Variants in ZNF618 observed in about 807,000 individuals in gnomAD.
The protein encoded by ZNF618 is zinc finger protein 618, also known as neural precursor cell expressed, developmentally down-regulated 10.
In ZNF618, 34 loss-of-function variants were observed where a neutral mutation model predicts 103.0. The ratio of observed to expected loss-of-function variants is 0.33; its 90% CI spans 0.25 to 0.44. The LOEUF is 0.44. Ranked by LOEUF, ZNF618 falls within the 20% of genes least tolerant of loss-of-function variation. The probability of loss-of-function intolerance (pLI) is 1.00; values close to 1 mark genes in which losing one functional copy is unlikely to be tolerated. For missense variants in ZNF618, 1,059 were observed against 1,295.4 expected (o/e 0.82, Z 2.80); for synonymous variants, 551 against 542.2 (o/e 1.02, Z -0.23).
intron 1 of ZNF618, among the ~76,000 whole-genome samples, chr9:113,908,313 T>C (rs1282317503): frequency 6.6e-6 from 1 of 152,166 alleles, no homozygotes; most frequent in Non-Finnish European, 1.5e-5. Flanking sequence ...ACACAGGTGC[T>C]CAGGATGTTA....
intron 2 of ZNF618, among the ~76,000 whole-genome samples, chr9:113,974,526 G>A (rs922813576): frequency 1.3e-5 from 2 of 152,220 alleles, no homozygotes; most frequent in African/African-American, 4.8e-5. Flanking sequence ...GTGATGATAG[G>A]TGTTGCCAAG....
At chr9:113,976,822 G>A (rs935873914) in intron 2 of ZNF618, among the ~76,000 whole-genome samples, 2 of 152,164 alleles carry the variant, frequency 1.3e-5, no homozygotes, top group Non-Finnish European at 2.9e-5. Flanking sequence ...TTTAGTAGGG[G>A]TAGGAGAAAA....
intron 1 of ZNF618, among the ~76,000 whole-genome samples, chr9:113,886,971 CTTTT>C (rs57000343): frequency 1.0e-3 from 114 of 109,484 alleles, no homozygotes; most frequent in East Asian, 5.2e-3. Flanking sequence ...TTACTTTCTA[CTTTT>C]TTTTTTTTTT....
chr9:113,979,846 G>A (rs1838818769), intron 2 of ZNF618, among the ~76,000 whole-genome samples: 1 of 152,236 alleles, frequency 6.6e-6, no homozygotes, highest in Non-Finnish European at 1.5e-5. Context: ...CACCGAGTGG[G>A]TAAATACTGG....
rs1846107365 is a variant in ZNF618, at chr9:114,051,118, G to A, written c.*951G>A. On this transcript the variant is annotated 3_prime_UTR_variant, in exon 15 of 15. Coordinates refer to ENST00000374126, the MANE Select transcript of ZNF618 (RefSeq NM_001318042.2). ...GGGTTCATTTTGTTTCTTCAGATTT[G>A]ATTTAGACTCTGCTAGGAGGCACTG... 1 of 152,538 alleles carries A rather than the reference G, an allele frequency of 6.6e-6. No individual in the cohort carries two copies. Among genetic ancestry groups the A allele is most frequent in the African/African-American group, 2.4e-5 (1 of 41,428 alleles). 9.4% of individuals were successfully genotyped at this position (152,538 alleles called of 1,614,324 possible).
intron 9 of ZNF618, among the ~76,000 whole-genome samples, chr9:114,011,685 A>G (rs1379461105): frequency 6.6e-6 from 1 of 152,246 alleles, no homozygotes; most frequent in Non-Finnish European, 1.5e-5. Context: ...CTCTGTAGTC[A>G]GAGGAAGAAG....
At chr9:113,994,955 G>A (rs1840424980) in intron 3 of ZNF618, among the ~76,000 whole-genome samples, 2 of 150,476 alleles carry the variant, frequency 1.3e-5, no homozygotes, top group Admixed American at 6.6e-5. Context: ...TGGCATTTTG[G>A]AAATAAAACT....
Position 114,036,386 on chromosome 9 carries a change from G to C in ZNF618, c.1246+9G>C. 1 of 1,568,390 alleles carries C rather than the reference G, an allele frequency of 6.4e-7. No homozygotes were observed. The highest frequency in any genetic ancestry group is 8.7e-7 in the Non-Finnish European group (1 of 1,156,042). On this transcript the variant is annotated intron_variant, in intron 13 of 14. Coordinates refer to ENST00000374126, the MANE Select transcript of ZNF618 (RefSeq NM_001318042.2). ...CATGCAGTCCCATGCAGGTAAGTAG[G>C]ATACGGCTTCTCTCCCCCTCTCCTT...
At chr9:113,884,293 C>T (rs1828841905) in intron 1 of ZNF618, among the ~76,000 whole-genome samples, 1 of 152,202 alleles carries the variant, frequency 6.6e-6, no homozygotes, top group African/African-American at 2.4e-5. Flanking sequence ...GCTCCCCTCT[C>T]TGCTCCACCA....
At position 114,049,850 on chromosome 9, in the gene ZNF618, G is replaced by A. The variant is rs1329600761; in HGVS notation, c.2548G>A (p.Ala850Thr). 1.2e-5 allele frequency: 20 copies of A among 1,613,842 alleles called. No homozygotes were observed. Among genetic ancestry groups the A allele is most frequent in the Non-Finnish European group, 1.6e-5 (19 of 1,179,916 alleles). Residue 850 changes from alanine to threonine, a missense_variant, in exon 15 of 15, where the codon GCC becomes ACC. Ala to Thr is a moderately conservative substitution (Grantham distance 58). Transcript: ENST00000374126. The stretch of plus-strand genomic sequence containing the variant: ...CGAGGAGGCCGACTTCGAGCCCGCT[G>A]CCAAGAAGCCCCGCTCTGCTGCCGT... Reference protein sequence around the residue: ...WAEEADFEPAAKKPRSAAVEN... With the variant: ...WAEEADFEPATKKPRSAAVEN...
At chr9:114,048,193 G>A (rs140187515) in intron 14 of ZNF618, among the ~76,000 whole-genome samples, 199 bp downstream of exon 14, 99 of 152,326 alleles carry the variant, frequency 6.5e-4, no homozygotes, top group African/African-American at 2.3e-3. Flanking sequence ...CCCAGGGAGA[G>A]GAGGTGACTT....
chr9:114,048,699 G>A lies in ZNF618; in HGVS notation c.1397G>A (p.Arg466Gln), dbSNP rs371074016. The A allele has an allele frequency of 1.2e-5, 19 of 1,613,806 alleles. No individual in the cohort carries two copies. The highest frequency in any genetic ancestry group is 6.7e-5 in the East Asian group (3 of 44,886). ...TPNSMIPEKE[R>Q]QNIAERLLRV... ...AACAGCATGATCCCCGAAAAGGAGC[G>A]GCAGAACATCGCAGAGCGGCTGTTG... The change falls in exon 15 of 15, where the codon CGG becomes CAG. Residue 466 changes from arginine (R) to glutamine (Q), a missense_variant. Around this residue, in one of 6 missense-constraint regions of ZNF618, gnomAD observed 434 missense variants for 476.0 expected, o/e 0.91. Coordinates refer to ENST00000374126, the MANE Select transcript of ZNF618 (RefSeq NM_001318042.2).
In ZNF618 at chr9:114,049,916, A is replaced by G; in HGVS notation, c.2614A>G (p.Asn872Asp). The change falls in exon 15 of 15, where the codon AAT (asparagine) becomes GAT (aspartate). Residue 872 changes from asparagine (N) to aspartate (D), a missense_variant. Asn to Asp is a conservative substitution (Grantham distance 23). This residue lies in a region of ZNF618 where 156 missense variants were observed against 197.1 expected (regional missense o/e 0.79). Coordinates refer to ENST00000374126, the MANE Select transcript of ZNF618 (RefSeq NM_001318042.2). ...AAQEDDRLGKNEVYDYLQEPL... is the reference protein window; with the variant it reads ...AAQEDDRLGKDEVYDYLQEPL... ...TCAGGAAGATGATCGGCTAGGCAAAAATGAAGTGTACGATTACCTGCAGGA... is the reference window on the plus strand; with the variant it reads ...TCAGGAAGATGATCGGCTAGGCAAAGATGAAGTGTACGATTACCTGCAGGA... 6.2e-7 allele frequency: 1 copy of G among 1,613,874 alleles called. No individual in the cohort carries two copies. Among genetic ancestry groups the G allele is most frequent in the Non-Finnish European group, 8.5e-7 (1 of 1,179,892 alleles).
chr9:114,021,264 T>A (rs1433909009), intron 10 of ZNF618, among the ~76,000 whole-genome samples: 2 of 152,176 alleles, frequency 1.3e-5, no homozygotes, highest in African/African-American at 4.8e-5. Flanking sequence ...TTAAGTTGTA[T>A]AACTTGATTA....
chr9:113,944,539 A>G (rs911887239), intron 1 of ZNF618, among the ~76,000 whole-genome samples: 2 of 152,188 alleles, frequency 1.3e-5, no homozygotes, highest in Non-Finnish European at 2.9e-5. Flanking sequence ...TTGTCTCTCA[A>G]TGTGCTGGGA....
At chr9:113,991,405 C>G (rs895953261) in intron 3 of ZNF618, among the ~76,000 whole-genome samples, 1 of 152,200 alleles carries the variant, frequency 6.6e-6, no homozygotes, top group Non-Finnish European at 1.5e-5. Context: ...GGCTCCATGA[C>G]TTAACTGGTG....
At chr9:113,904,696 G>A (rs183760773) in intron 1 of ZNF618, among the ~76,000 whole-genome samples, 1 of 152,280 alleles carries the variant, frequency 6.6e-6, no homozygotes, top group African/African-American at 2.4e-5. Context: ...GGTGTCAGCC[G>A]AGGTTCTAGA....
intron 1 of ZNF618, among the ~76,000 whole-genome samples, chr9:113,951,391 CTA>C (rs1328231670): frequency 1.7e-5 from 1 of 58,186 alleles, no homozygotes; most frequent in Admixed American, 1.6e-4. Flanking sequence ...GCACTTTTTC[CTA>C]TATATATACG....
chr9:113,937,977 G>A (rs1279693972), intron 1 of ZNF618, among the ~76,000 whole-genome samples: 1 of 152,010 alleles, frequency 6.6e-6, no homozygotes, highest in Non-Finnish European at 1.5e-5. Flanking sequence ...CTAAAAATCT[G>A]TTCTTCTACA....
Sources: gnomAD v4.1 joint callset for allele counts (sites outside exome capture counted in the v4.1 genomes callset) on GRCh38, gnomAD v4.1.1 for gene constraint, gnomAD v4.1.1 regional missense constraint, MANE v1.5 for transcripts, NCBI Gene and HGNC (gene_info 2026-07-23, HGNC 2026-07-21) for gene names.